Variants in TAX1BP1 observed in about 807,000 individuals in gnomAD.
TAX1BP1 encodes the protein tax1-binding protein 1.
TAX1BP1 carries 62 observed loss-of-function variants against 97.7 expected under a neutral mutation model. The ratio of observed to expected loss-of-function variants is 0.63; its 90% CI spans 0.52 to 0.78. The LOEUF is 0.78. Among genes scored for constraint, TAX1BP1 ranks in the 30% least tolerant of loss-of-function variants. The pLI, the probability that TAX1BP1 is intolerant of heterozygous loss-of-function variation, is 0.00. For synonymous variants in TAX1BP1, 340 were observed against 304.2 expected, an observed-to-expected ratio of 1.12 and a Z score of -1.23; for missense variants, 867 against 916.1, an observed-to-expected ratio of 0.95 and a Z score of 0.69.
chr7:27,753,952 G>C (rs1156360461), intron 2 of TAX1BP1, among the ~76,000 whole-genome samples: 1 of 152,052 alleles, frequency 6.6e-6, no homozygotes, highest in African/African-American at 2.4e-5. Context: ...TTAAACTTTA[G>C]AGTCTTAGAA....
At chr7:27,750,722 C>T (rs980102956) in intron 2 of TAX1BP1, among the ~76,000 whole-genome samples, 9 of 152,130 alleles carry the variant, frequency 5.9e-5, no homozygotes, top group African/African-American at 2.2e-4. Flanking sequence ...CTGCAGACTA[C>T]TTGTTTATTT....
intron 13 of TAX1BP1, among the ~76,000 whole-genome samples, chr7:27,813,504 G>A (rs1239741206): frequency 1.3e-5 from 2 of 152,074 alleles, no homozygotes; most frequent in Non-Finnish European, 1.5e-5. Context: ...ATAGGCACAT[G>A]CCATCACACC....
At chr7:27,819,801 C>T (rs1003330963) in intron 15 of TAX1BP1, among the ~76,000 whole-genome samples, 2 of 152,140 alleles carry the variant, frequency 1.3e-5, no homozygotes, top group Non-Finnish European at 2.9e-5. Context: ...GAGACCAACT[C>T]TAATGAATAT....
chr7:27,787,630 A>C (rs1195324606), intron 8 of TAX1BP1, 27 bp downstream of exon 8: 1 of 1,555,160 alleles, frequency 6.4e-7, no homozygotes, highest in East Asian at 2.3e-5. Context: ...TATATATTTG[A>C]AGATTGTAAA....
At chr7:27,817,124 A>G in intron 15 of TAX1BP1, 86 bp downstream of exon 15, 1 of 1,475,870 alleles carries the variant, frequency 6.8e-7, no homozygotes, top group Non-Finnish European at 9.1e-7. Context: ...GCATATGTGT[A>G]TCTTTGTGCG....
intron 5 of TAX1BP1, among the ~76,000 whole-genome samples, chr7:27,779,555 A>G (rs1469756074): frequency 1.3e-5 from 2 of 152,246 alleles, no homozygotes; most frequent in Non-Finnish European, 2.9e-5. Flanking sequence ...TCAGTGATGC[A>G]TATCTTATAC....
chr7:27,792,251 A>C (rs368291402), intron 9 of TAX1BP1, 21 bp downstream of exon 9: 1 of 1,568,630 alleles, frequency 6.4e-7, no homozygotes. Context: ...TTAATTTTGA[A>C]TTTGCATTTT....
chr7:27,771,097 ATTTTTTTTTTTTTTTT>A (rs57751582), intron 5 of TAX1BP1, among the ~76,000 whole-genome samples: 28 of 40,620 alleles, frequency 6.9e-4, no homozygotes, highest in East Asian at 1.7e-3. Context: ...ACATTCAGCA[ATTTTTTTTTTTTTTTT>A]TTTTTTTTTT....
chr7:27,798,386 G>T (rs1790013343), intron 12 of TAX1BP1, among the ~76,000 whole-genome samples: 1 of 151,854 alleles, frequency 6.6e-6, no homozygotes, highest in African/African-American at 2.4e-5. Context: ...ATTACCTCCT[G>T]GGTGCAGTGG....
intron 1 of TAX1BP1, among the ~76,000 whole-genome samples, chr7:27,745,716 A>C (rs1787790167): frequency 6.6e-6 from 1 of 150,904 alleles, no homozygotes; most frequent in Non-Finnish European, 1.5e-5. Flanking sequence ...TTCTATTAGA[A>C]AATGTGAAAT....
At chr7:27,779,493 C>T (rs925971360) in intron 5 of TAX1BP1, among the ~76,000 whole-genome samples, 13 of 152,194 alleles carry the variant, frequency 8.5e-5, no homozygotes, top group African/African-American at 3.1e-4. Flanking sequence ...ATTTTCTCTT[C>T]AAGATTCAGA....
intron 5 of TAX1BP1, among the ~76,000 whole-genome samples, chr7:27,776,248 T>G (rs1042595978): frequency 6.6e-6 from 1 of 152,180 alleles, no homozygotes; most frequent in Non-Finnish European, 1.5e-5. Context: ...AGAACCAACC[T>G]GGTAAAATGC....
Position 27,816,539 on chromosome 7 carries a change from G to T in TAX1BP1, c.1936+19G>T. On this transcript the variant is annotated intron_variant, in intron 14 of 16. Coordinates refer to ENST00000396319, the MANE Select transcript of TAX1BP1 (RefSeq NM_006024.7). ...ACAAGAGGTTATTACAGTATTTTTGGTTTGGGATTAGCTGCATCTGGAGAT... is the reference window on the plus strand; with the variant it reads ...ACAAGAGGTTATTACAGTATTTTTGTTTTGGGATTAGCTGCATCTGGAGAT... The T allele has an allele frequency of 2.0e-6, 3 of 1,512,076 alleles. No individual in the cohort carries two copies. Among genetic ancestry groups the T allele is most frequent in the Non-Finnish European group, 2.6e-6 (3 of 1,140,212 alleles). 93.7% of individuals were successfully genotyped at this position (1,512,076 alleles called of 1,614,324 possible).
intron 5 of TAX1BP1, among the ~76,000 whole-genome samples, chr7:27,781,024 A>G (rs73073384): frequency 7.2e-5 from 11 of 152,220 alleles, no homozygotes; most frequent in Non-Finnish European, 1.0e-4. Context: ...AAAAATGTAT[A>G]TGAAACCTAA....
chr7:27,799,209 TA>T (rs1442195453), intron 12 of TAX1BP1, among the ~76,000 whole-genome samples: 1 of 152,216 alleles, frequency 6.6e-6, no homozygotes, highest in African/African-American at 2.4e-5. Flanking sequence ...GTATGGATAT[TA>T]AACTGACCTA....
At chr7:27,808,224 A>G (rs1277577639) in intron 13 of TAX1BP1, among the ~76,000 whole-genome samples, 2 of 152,204 alleles carry the variant, frequency 1.3e-5, no homozygotes, top group African/African-American at 2.4e-5. Context: ...CCCTCTCTGT[A>G]TATTAAAAAA....
chr7:27,754,449 A>G (rs2128308435), intron 2 of TAX1BP1, among the ~76,000 whole-genome samples: 1 of 150,510 alleles, frequency 6.6e-6, no homozygotes, highest in South Asian at 2.1e-4. Flanking sequence ...AATGTCCTAC[A>G]GTCCCACTAC....
In TAX1BP1 at chr7:27,794,248, TTTAC is replaced by T. The variant is rs573042172; in HGVS notation, c.1411-71_1411-68del. 2.4e-4 allele frequency: 297 copies of T among 1,255,456 alleles called. No individual in the cohort carries two copies. In the African/African-American group the frequency reaches 3.9e-3, roughly 16 times the overall value. The allele number at this position is 1,255,456 out of a possible 1,614,324, so 77.8% of individuals were successfully genotyped here. A position where few individuals can be genotyped will look rare whatever the true frequency, so the allele number is the denominator to read the frequency against. Reference sequence around the variant, plus strand: ...CCTAAAGTAATATGTAAAAATATTATTTACTTAGTTACTGCAAGGAGGAAATATA... The same window carrying T: ...CCTAAAGTAATATGTAAAAATATTATTTAGTTACTGCAAGGAGGAAATATA... On this transcript the variant is annotated intron_variant, in intron 10 of 16. Transcript: ENST00000396319.
intron 3 of TAX1BP1, among the ~76,000 whole-genome samples, chr7:27,759,104 A>G (rs556641261): frequency 1.4e-4 from 21 of 152,252 alleles, no homozygotes; most frequent in East Asian, 3.9e-4. Flanking sequence ...TTACCCTTGT[A>G]TATGTCATAG....
Sources: allele counts gnomAD v4.1 joint callset (sites outside exome capture counted in the v4.1 genomes callset), GRCh38; gene constraint gnomAD v4.1.1; transcripts MANE v1.5; gene names NCBI Gene and HGNC (gene_info 2026-07-23, HGNC 2026-07-21).